Variants in SPRED1 observed in about 807,000 individuals in gnomAD.
The protein encoded by SPRED1 is sprouty related EVH1 domain containing 1.
SPRED1 carries 18 observed loss-of-function variants against 52.3 expected under a neutral mutation model. That is an observed-to-expected ratio of 0.34 (90% CI 0.24 to 0.51). SPRED1 has a LOEUF of 0.51. SPRED1 is among the 20% of genes least tolerant of loss of function. The pLI is 0.97. For missense variants in SPRED1, 485 were observed against 551.0 expected, an observed-to-expected ratio of 0.88 and a Z score of 1.20; for synonymous variants, 155 against 179.7, an observed-to-expected ratio of 0.86 and a Z score of 1.10.
chr15:38,348,197 T>C (rs1452544871), intron 5 of SPRED1, among the ~76,000 whole-genome samples: 3 of 152,094 alleles, frequency 2.0e-5, no homozygotes, highest in Admixed American at 2.0e-4. Flanking sequence ...TGTTCTTCTG[T>C]TTTTCTTTTT....
intron 5 of SPRED1, among the ~76,000 whole-genome samples, chr15:38,342,335 C>T (rs562915739): frequency 1.1e-3 from 161 of 152,106 alleles, no homozygotes; most frequent in African/African-American, 3.8e-3. Context: ...GGGTAATGCA[C>T]ATATCTACAG....
rs553965667 is a variant in SPRED1, at chr15:38,291,698, A to C, written c.33-7675A>C. On this transcript the variant is annotated intron_variant, in intron 1 of 6. Transcript: ENST00000299084. ...CCTCTGAAGCAACAGCTTGAGCTCT[A>C]TGTTGGCCCCTTTCAGCCATGGCTG... Among the ~76,000 whole-genome samples, 12 of 152,322 alleles carry C rather than the reference A, an allele frequency of 7.9e-5. No individual in the cohort carries two copies. The East Asian group carries it at 1.5e-3, about 20-fold the overall frequency.
chr15:38,285,373 G>A (rs1438421236), intron 1 of SPRED1, among the ~76,000 whole-genome samples: 1 of 152,156 alleles, frequency 6.6e-6, no homozygotes, highest in Admixed American at 6.5e-5. Context: ...AGACTACATG[G>A]TATGGATGGC....
intron 1 of SPRED1, among the ~76,000 whole-genome samples, chr15:38,259,337 G>A (rs1233310064): frequency 2.6e-5 from 4 of 152,144 alleles, no homozygotes; most frequent in Non-Finnish European, 2.9e-5. Context: ...GCTCACTGCA[G>A]CCTTGAACTC....
At chr15:38,258,800 A>G (rs1157579817) in intron 1 of SPRED1, among the ~76,000 whole-genome samples, 1 of 152,230 alleles carries the variant, frequency 6.6e-6, no homozygotes, top group Non-Finnish European at 1.5e-5. Context: ...TTAAGTGCTC[A>G]TGTAAAAGCC....
chr15:38,355,852 T>C lies in SPRED1; in HGVS notation c.*4188T>C, dbSNP rs1888607043. ...AATCATAATAGCACCATGAGGTGTT[T>C]TGCAATGAGACAAACATGAAGAATG... On this transcript the variant is annotated 3_prime_UTR_variant, in exon 7 of 7. Coordinates refer to ENST00000299084, the MANE Select transcript of SPRED1 (RefSeq NM_152594.3). The C allele has an allele frequency of 6.6e-6, 1 of 152,156 alleles. No individual in the cohort carries two copies. Among genetic ancestry groups the C allele is most frequent in the South Asian group, 2.1e-4 (1 of 4,822 alleles). The allele number at this position is 152,156 out of a possible 1,614,324, so 9.4% of individuals were successfully genotyped here. A position where few individuals can be genotyped will look rare whatever the true frequency, so the allele number is the denominator to read the frequency against.
At chr15:38,261,998 C>CTTTTTTTTTTTTTTTTTTATTTTTTT (rs35445689) in intron 1 of SPRED1, among the ~76,000 whole-genome samples, 1 of 135,670 alleles carries the variant, frequency 7.4e-6, no homozygotes. Flanking sequence ...TCACCAAACT[C>CTTTTTTTTTTTTTTTTTTATTTTTTT]TTTTTTTTTT....
At chr15:38,331,016 C>T (rs771810822) in intron 4 of SPRED1, among the ~76,000 whole-genome samples, 5 of 152,124 alleles carry the variant, frequency 3.3e-5, no homozygotes, top group Non-Finnish European at 7.4e-5. Flanking sequence ...TCAAGAGCTA[C>T]AGCTGGAATT....
rs1888601719 is a variant in SPRED1 at position 38,355,618 on chromosome 15, TA to T, written c.*3957del. On this transcript the variant is annotated 3_prime_UTR_variant, in exon 7 of 7. Coordinates refer to ENST00000299084, the MANE Select transcript of SPRED1 (RefSeq NM_152594.3). ...TGTGATTACACTTGGAAGTATGTGT[TA>T]AATTGGGTTTTTAATTGTAGCCCAA... is the stretch of plus-strand genomic sequence containing the variant. The T allele has an allele frequency of 6.6e-6, 1 of 152,226 alleles. No homozygotes were observed. 9.4% of individuals were successfully genotyped at this position (152,226 alleles called of 1,614,324 possible).
chr15:38,260,027 C>T (rs1240356786), intron 1 of SPRED1, among the ~76,000 whole-genome samples: 4 of 152,164 alleles, frequency 2.6e-5, no homozygotes, highest in Admixed American at 2.0e-4. Context: ...TCAACCTGAA[C>T]ATTCATAATT....
intron 2 of SPRED1, among the ~76,000 whole-genome samples, chr15:38,318,212 TA>T (rs1895528609): frequency 6.6e-6 from 1 of 152,146 alleles, no homozygotes; most frequent in Non-Finnish European, 1.5e-5. Context: ...TATGGTACAT[TA>T]AATATATAAT....
chr15:38,339,418 T>G (rs998914986), intron 4 of SPRED1, among the ~76,000 whole-genome samples: 2 of 152,178 alleles, frequency 1.3e-5, no homozygotes, highest in African/African-American at 4.8e-5. Context: ...CTATGTACAT[T>G]TATCACTTTT....
intron 1 of SPRED1, among the ~76,000 whole-genome samples, chr15:38,255,246 A>T (rs768543680): frequency 1.3e-5 from 2 of 152,170 alleles, no homozygotes; most frequent in Non-Finnish European, 2.9e-5. Flanking sequence ...TGAAACACCG[A>T]TGGCAATCTT....
At chr15:38,304,459 G>A (rs1204820996) in intron 2 of SPRED1, among the ~76,000 whole-genome samples, 1 of 152,126 alleles carries the variant, frequency 6.6e-6, no homozygotes, top group Non-Finnish European at 1.5e-5. Context: ...AATGGGAGTG[G>A]GAGTAGAGAT....
At chr15:38,259,106 T>G (rs10153022) in intron 1 of SPRED1, among the ~76,000 whole-genome samples, 125,490 of 152,152 alleles carry the variant, frequency 0.82, 52,526 homozygotes, top group Non-Finnish European at 0.9. Context: ...GTAGGAAGAT[T>G]AGGTAAAAGC....
chr15:38,259,662 T>C (rs1372753840), intron 1 of SPRED1, among the ~76,000 whole-genome samples: 2 of 152,224 alleles, frequency 1.3e-5, no homozygotes, highest in East Asian at 3.8e-4. Flanking sequence ...GCTAACAAGA[T>C]ACCAGTCTTT....
Position 38,339,823 on chromosome 15 carries a change from C to T in SPRED1, c.510C>T (p.Ser170=), listed in dbSNP as rs771673657. The T allele has an allele frequency of 1.2e-6, 2 of 1,613,882 alleles. No individual in the cohort carries two copies. The highest frequency in any genetic ancestry group is 1.1e-5 in the South Asian group (1 of 91,078). The change falls in exon 5 of 7, where the codon AGC becomes AGT. Residue 170 remains serine (S), a synonymous_variant. Transcript: ENST00000299084. ...ETVVTSEPYR[S]SNIRPSPFED... is the part of the protein sequence containing the mutation. ...TTGTTACCAGTGAGCCTTATAGAAGCTCAAATATAAGACCTTCTCCCTTTG... is the reference window on the plus strand; with the variant it reads ...TTGTTACCAGTGAGCCTTATAGAAGTTCAAATATAAGACCTTCTCCCTTTG...
At chr15:38,255,373 T>C (rs925247465) in intron 1 of SPRED1, among the ~76,000 whole-genome samples, 1 of 152,226 alleles carries the variant, frequency 6.6e-6, no homozygotes, top group Non-Finnish European at 1.5e-5. Flanking sequence ...AAATTTATCC[T>C]GCTTTATTAA....
At chr15:38,277,518 C>A (rs1160805503) in intron 1 of SPRED1, among the ~76,000 whole-genome samples, 3 of 152,094 alleles carry the variant, frequency 2.0e-5, no homozygotes, top group African/African-American at 7.2e-5. Flanking sequence ...TCCAGTCTGC[C>A]ATTGATGGGC....
Sources: allele counts gnomAD v4.1 joint callset (sites outside exome capture counted in the v4.1 genomes callset), GRCh38; gene constraint gnomAD v4.1.1; transcripts MANE v1.5; gene names NCBI Gene and HGNC (gene_info 2026-07-23, HGNC 2026-07-21).